Variants in PRICKLE2 observed in about 807,000 individuals in gnomAD.
PRICKLE2 encodes the protein prickle planar cell polarity protein 2, also known as prickle-like protein 2.
PRICKLE2 carries 21 observed loss-of-function variants against 81.4 expected under a neutral mutation model. The ratio of observed to expected loss-of-function variants is 0.26; its 90% CI spans 0.18 to 0.37. The LOEUF is 0.37. Among genes scored for constraint, PRICKLE2 ranks in the 10% least tolerant of loss-of-function variants. The pLI is 1.00. For synonymous variants in PRICKLE2, 456 were observed against 421.5 expected, an observed-to-expected ratio of 1.08 and a Z score of -1.00; for missense variants, 940 against 1,109.0, an observed-to-expected ratio of 0.85 and a Z score of 2.16.
intron 7 of PRICKLE2, among the ~76,000 whole-genome samples, chr3:64,113,183 G>C (rs2076877808): frequency 6.6e-6 from 1 of 152,222 alleles, no homozygotes; most frequent in Non-Finnish European, 1.5e-5. Context: ...CAACAAGCCA[G>C]CTGATGTGTA....
At chr3:64,180,730 A>G (rs1275507897) in intron 2 of PRICKLE2, among the ~76,000 whole-genome samples, 2 of 152,004 alleles carry the variant, frequency 1.3e-5, no homozygotes, top group African/African-American at 2.4e-5. Context: ...ACGGGGTTTC[A>G]CCATGTTGGC....
At chr3:64,221,151 T>C (rs1474955438) in intron 1 of PRICKLE2, among the ~76,000 whole-genome samples, 1 of 152,048 alleles carries the variant, frequency 6.6e-6, no homozygotes, top group Non-Finnish European at 1.5e-5. Flanking sequence ...ATTGCTCTGA[T>C]ATTCTCCCAG....
At chr3:64,253,931 T>C (rs1044779350) in intron 2 of PRICKLE2, among the ~76,000 whole-genome samples, 1 of 152,180 alleles carries the variant, frequency 6.6e-6, no homozygotes, top group Non-Finnish European at 1.5e-5. Flanking sequence ...GCCTGTGCAC[T>C]GTCGCACTCT....
upstream of PRICKLE2, among the ~76,000 whole-genome samples, chr3:64,226,807 G>T (rs2079038055): frequency 2.0e-5 from 3 of 152,204 alleles, no homozygotes; most frequent in Non-Finnish European, 2.9e-5. Flanking sequence ...AGAGGCAAGA[G>T]CCAGGCAATA....
chr3:64,242,210 C>T (rs1243591066), intron 2 of PRICKLE2, among the ~76,000 whole-genome samples: 2 of 152,142 alleles, frequency 1.3e-5, no homozygotes, highest in Non-Finnish European at 2.9e-5. Flanking sequence ...ATAATGTGCA[C>T]ATAATAATAA....
At chr3:64,205,505 T>C (rs183531997) in intron 1 of PRICKLE2, among the ~76,000 whole-genome samples, 3 of 152,196 alleles carry the variant, frequency 2.0e-5, no homozygotes, top group East Asian at 3.9e-4. Flanking sequence ...GGGGACAGGG[T>C]TGGTGGCAGG....
intron 7 of PRICKLE2, among the ~76,000 whole-genome samples, chr3:64,127,205 C>T (rs1414646046): frequency 8.5e-5 from 13 of 152,148 alleles, no homozygotes; most frequent in Admixed American, 8.5e-4. Flanking sequence ...TGGAGGACAA[C>T]ATCCAGGCAA....
At chr3:64,179,268 G>T (rs1258058306) in intron 2 of PRICKLE2, among the ~76,000 whole-genome samples, 2 of 151,892 alleles carry the variant, frequency 1.3e-5, no homozygotes, top group Non-Finnish European at 2.9e-5. Flanking sequence ...TAGAGATGGG[G>T]TTTCTCCATG....
chr3:64,264,049 C>T (rs1025463943), intron 2 of PRICKLE2, among the ~76,000 whole-genome samples: 1 of 152,126 alleles, frequency 6.6e-6, no homozygotes, highest in Non-Finnish European at 1.5e-5. Context: ...GAAGACCGCC[C>T]ACCCCACCCC....
chr3:64,241,420 C>G (rs1015225098), intron 2 of PRICKLE2, among the ~76,000 whole-genome samples: 2 of 152,212 alleles, frequency 1.3e-5, no homozygotes, highest in African/African-American at 4.8e-5. Flanking sequence ...TATTCATCTA[C>G]TTATATTGAC....
At chr3:64,265,363 C>T (rs1163522164) in intron 2 of PRICKLE2, among the ~76,000 whole-genome samples, 2 of 152,104 alleles carry the variant, frequency 1.3e-5, no homozygotes, top group Admixed American at 1.3e-4. Context: ...GTTTTAGTAG[C>T]TAAAAAAAAT....
chr3:64,166,221 A>G (rs2077830585), intron 2 of PRICKLE2, among the ~76,000 whole-genome samples: 2 of 152,152 alleles, frequency 1.3e-5, no homozygotes, highest in South Asian at 4.1e-4. Context: ...GAGTTTGCAC[A>G]GCATCACTTC....
At position 64,246,886 on chromosome 3, in the gene PRICKLE2, C is replaced by T. The variant is rs146373074; in HGVS notation, c.129-47919G>A. On this transcript the variant is annotated intron_variant, in intron 2 of 8. Transcript: ENST00000295902. ...AGTTCTCTGGTTCCCCTGGACTATC[C>T]TGCCTTCTAATACACTGAGGAATCC... Among the ~76,000 whole-genome samples, 489 of 152,316 alleles carry T rather than the reference C, an allele frequency of 3.2e-3. 3 individuals carry two copies. Among genetic ancestry groups the T allele is most frequent in the Non-Finnish European group, 3.7e-3 (255 of 68,024 alleles).
chr3:64,206,679 TAA>T (rs1414670549), intron 1 of PRICKLE2, among the ~76,000 whole-genome samples: 1 of 152,162 alleles, frequency 6.6e-6, no homozygotes, highest in African/African-American at 2.4e-5. Context: ...GCAGACTGCT[TAA>T]AGAGTGGTTC....
Position 64,095,302 on chromosome 3 carries a change from T to C in PRICKLE2, c.*3749A>G, listed in dbSNP as rs992782436. On this transcript the variant is annotated 3_prime_UTR_variant, in exon 8 of 8. Coordinates refer to ENST00000638394, the MANE Select transcript of PRICKLE2 (RefSeq NM_198859.4). ...GGAGTCTCCGAATTACTTATACATATTGGTTCCTAAATGTTCGTAATTATG... is the reference window on the plus strand; with the variant it reads ...GGAGTCTCCGAATTACTTATACATACTGGTTCCTAAATGTTCGTAATTATG... 6.6e-6 allele frequency: 1 copy of C among 152,186 alleles called. No homozygotes were observed. Among genetic ancestry groups the C allele is most frequent in the Non-Finnish European group, 1.5e-5 (1 of 68,026 alleles). 9.4% of individuals were successfully genotyped at this position (152,186 alleles called of 1,614,324 possible). A position where few individuals can be genotyped will look rare whatever the true frequency, so the allele number is the denominator to read the frequency against.
At chr3:64,217,297 C>T (rs2078887254) in intron 1 of PRICKLE2, among the ~76,000 whole-genome samples, 1 of 152,100 alleles carries the variant, frequency 6.6e-6, no homozygotes. Flanking sequence ...GAAAAAAAGA[C>T]TATTAAAACT....
chr3:64,126,293 A>G (rs914133040), intron 7 of PRICKLE2, among the ~76,000 whole-genome samples: 2 of 152,196 alleles, frequency 1.3e-5, no homozygotes, highest in African/African-American at 4.8e-5. Flanking sequence ...AAATTCCTCC[A>G]CAAATCTTGT....
At chr3:64,241,570 A>T (rs919241857) in intron 2 of PRICKLE2, among the ~76,000 whole-genome samples, 2 of 152,082 alleles carry the variant, frequency 1.3e-5, no homozygotes, top group African/African-American at 2.4e-5. Context: ...CCTCATCTCA[A>T]TTGTCTCTAA....
chr3:64,256,855 A>T (rs892083529), intron 2 of PRICKLE2, among the ~76,000 whole-genome samples: 1 of 152,144 alleles, frequency 6.6e-6, no homozygotes, highest in African/African-American at 2.4e-5. Flanking sequence ...TCCCTATCCC[A>T]TCAGTCACAT....
Sources: gnomAD v4.1 joint callset for allele counts (sites outside exome capture counted in the v4.1 genomes callset) on GRCh38, gnomAD v4.1.1 for gene constraint, MANE v1.5 for transcripts, NCBI Gene and HGNC (gene_info 2026-07-23, HGNC 2026-07-21) for gene names.